Variants in CD247 observed in about 807,000 individuals in gnomAD.
CD247 encodes CD247 molecule.
A neutral mutation model predicts 30.0 loss-of-function variants in CD247; 13 were observed. That is an observed-to-expected ratio of 0.43 (90% confidence interval 0.28 to 0.69). The LOEUF (loss-of-function observed/expected upper bound fraction) is 0.69, where lower values mean the gene tolerates loss of function less well. Among genes scored for constraint, CD247 ranks in the 30% least tolerant of loss-of-function variants. The pLI is 0.16. For synonymous variants in CD247, 72 were observed against 80.0 expected (o/e 0.90, Z 0.53); for missense variants, 193 against 212.6 (o/e 0.91, Z 0.57).
intron 1 of CD247, among the ~76,000 whole-genome samples, chr1:167,474,983 C>T (rs1016519252): frequency 1.3e-5 from 2 of 151,780 alleles, no homozygotes; most frequent in African/African-American, 4.8e-5. Context: ...AACTCCTGAC[C>T]TCAGGTGATC....
chr1:167,475,343 A>G (rs899969985), intron 1 of CD247, among the ~76,000 whole-genome samples: 14 of 152,194 alleles, frequency 9.2e-5, no homozygotes, highest in Admixed American at 8.5e-4. Context: ...ATTTTGAATC[A>G]AATCACAGGC....
Position 167,436,081 on chromosome 1 carries a change from A to C in CD247, c.301-647T>G, listed in dbSNP as rs556957108. 6.6e-5 allele frequency among the ~76,000 whole-genome samples: 10 copies of C among 152,356 alleles called. No individual in the cohort carries two copies. In the South Asian group the frequency reaches 8.3e-4, roughly 13 times the overall value. ...CCCTGTGCTTAAAAGGACCCTAACAAGTCAAATTTAACAACACATTAAAAG... is the reference window on the plus strand; with the variant it reads ...CCCTGTGCTTAAAAGGACCCTAACACGTCAAATTTAACAACACATTAAAAG... On this transcript the variant is annotated intron_variant, in intron 4 of 7. Transcript: ENST00000362089.
chr1:167,481,358 A>C (rs1445744820), intron 1 of CD247, among the ~76,000 whole-genome samples: 1 of 152,242 alleles, frequency 6.6e-6, no homozygotes, highest in African/African-American at 2.4e-5. Context: ...TAAAACTTGG[A>C]AATAGCTTAC....
In CD247 at chr1:167,457,770, T is replaced by C. The variant is rs528698090; in HGVS notation, c.59-17003A>G. On this transcript the variant is annotated intron_variant, in intron 1 of 7. Coordinates refer to ENST00000362089, the MANE Select transcript of CD247 (RefSeq NM_198053.3). ...TTCGTTGTTTTTGTTACTCTCATTG[T>C]GTCAAATGGGTTCTTTCCTATGCAA... 1.1e-4 allele frequency: 16 copies of C among 152,348 alleles called. 1 individual carries two copies. Among genetic ancestry groups the C allele is most frequent in the Admixed American group, 8.5e-4 (13 of 15,304 alleles). The allele number at this position is 152,348 out of a possible 1,614,324, so 9.4% of individuals were successfully genotyped here.
intron 1 of CD247, among the ~76,000 whole-genome samples, chr1:167,513,491 T>C (rs903792485): frequency 6.6e-6 from 1 of 152,218 alleles, no homozygotes; most frequent in Non-Finnish European, 1.5e-5. Flanking sequence ...CAGAAAAATG[T>C]TGGCTACCTG....
intron 1 of CD247, among the ~76,000 whole-genome samples, chr1:167,482,918 T>C (rs1214604): frequency 0.016 from 2,458 of 152,174 alleles, 29 homozygotes; most frequent in Admixed American, 0.021. Flanking sequence ...GTTTGGCTCA[T>C]GGTTTTGGCC....
At chr1:167,439,628 C>T (rs55731916) in intron 2 of CD247, 34 of 583,966 alleles carry the variant, frequency 5.8e-5, no homozygotes, top group Non-Finnish European at 9.5e-5. Context: ...GCATTCATCA[C>T]GCTGGCCCAG....
intron 1 of CD247, among the ~76,000 whole-genome samples, chr1:167,476,245 G>A (rs1235838258): frequency 1.3e-5 from 2 of 152,088 alleles, no homozygotes; most frequent in African/African-American, 2.4e-5. Context: ...CTTCCTGAGG[G>A]TGGACTCTGA....
intron 1 of CD247, among the ~76,000 whole-genome samples, chr1:167,517,232 G>A (rs547660699): frequency 1.3e-5 from 2 of 152,298 alleles, no homozygotes; most frequent in Non-Finnish European, 2.9e-5. Context: ...AGAATCCCCC[G>A]AGGCGCTGGC....
At chr1:167,452,411 CAAAAAAA>C (rs34079142) in intron 1 of CD247, among the ~76,000 whole-genome samples, 1 of 104,668 alleles carries the variant, frequency 9.6e-6, no homozygotes, top group African/African-American at 4.1e-5. Context: ...AAGACTCTAT[CAAAAAAA>C]AAAAAAAAAA....
chr1:167,434,237 G>A, intron 5 of CD247, 161 bp from the exon 6 acceptor site: 1 of 714,352 alleles, frequency 1.4e-6, no homozygotes, highest in Non-Finnish European at 2.5e-6. Flanking sequence ...AAACTTCTCT[G>A]CCCACAACCA....
At chr1:167,500,326 A>T (rs114227867) in intron 1 of CD247, among the ~76,000 whole-genome samples, 2,190 of 152,260 alleles carry the variant, frequency 0.014, 26 homozygotes, top group Non-Finnish European at 0.023. Context: ...TTTTATCCAG[A>T]CTCATATTGC....
At chr1:167,504,065 C>G (rs548735777) in intron 1 of CD247, among the ~76,000 whole-genome samples, 1 of 152,292 alleles carries the variant, frequency 6.6e-6, no homozygotes, top group African/African-American at 2.4e-5. Flanking sequence ...TCTGGGCTCC[C>G]GGGGTGCTGT....
At chr1:167,447,958 A>C (rs988896112) in intron 1 of CD247, among the ~76,000 whole-genome samples, 3 of 72,762 alleles carry the variant, frequency 4.1e-5, no homozygotes, top group Non-Finnish European at 7.8e-5. Flanking sequence ...CAGTGGCAGC[A>C]GCTATGGGTG....
intron 1 of CD247, among the ~76,000 whole-genome samples, chr1:167,464,956 T>C (rs1204820448): frequency 2.0e-5 from 3 of 152,108 alleles, no homozygotes; most frequent in African/African-American, 7.2e-5. Flanking sequence ...CTGCAGCAAC[T>C]TTTAGAGAGC....
chr1:167,499,052 G>T (rs1654803913), intron 1 of CD247, among the ~76,000 whole-genome samples: 1 of 152,162 alleles, frequency 6.6e-6, no homozygotes, highest in Non-Finnish European at 1.5e-5. Context: ...AAGTCAGCCT[G>T]AATTGTCCAT....
chr1:167,482,897 GGTAAGCC>G (rs35127192), intron 1 of CD247, among the ~76,000 whole-genome samples: 1,820 of 152,248 alleles, frequency 0.012, 39 homozygotes, highest in African/African-American at 0.041. Flanking sequence ...GGAAGGTCTG[GGTAAGCC>G]CTTGTTTGGC....
intron 1 of CD247, among the ~76,000 whole-genome samples, chr1:167,504,341 C>T (rs1558031351): frequency 1.3e-5 from 2 of 152,258 alleles, no homozygotes; most frequent in Non-Finnish European, 2.9e-5. Flanking sequence ...AATGTGAGTA[C>T]TTTGAGAGCA....
intron 1 of CD247, among the ~76,000 whole-genome samples, chr1:167,514,036 C>T (rs1256029890): frequency 6.6e-6 from 1 of 152,204 alleles, no homozygotes; most frequent in Non-Finnish European, 1.5e-5. Context: ...ATTCAATATA[C>T]CCACCAAATA....
Sources: gnomAD v4.1 joint callset for allele counts (sites outside exome capture counted in the v4.1 genomes callset) on GRCh38, gnomAD v4.1.1 for gene constraint, MANE v1.5 for transcripts, NCBI Gene and HGNC (gene_info 2026-07-23, HGNC 2026-07-21) for gene names.